NRG3: variants seen among roughly 807,000 people sequenced by gnomAD.
NRG3 encodes neuregulin 3.
Under a neutral mutation model 66.9 loss-of-function variants are expected in NRG3, and 31 were observed. The observed-to-expected ratio is 0.46, with a 90% CI of 0.35 to 0.63. NRG3 has a LOEUF of 0.63. Among genes scored for constraint, NRG3 ranks in the 20% least tolerant of loss-of-function variants. The probability of loss-of-function intolerance (pLI) is 0.00; values close to 1 mark genes in which losing one functional copy is unlikely to be tolerated. For synonymous variants in NRG3, 393 were observed against 359.4 expected, an observed-to-expected ratio of 1.09 and a Z score of -1.06; for missense variants, 910 against 878.9, an observed-to-expected ratio of 1.04 and a Z score of -0.45.
chr10:82,167,767 ATTGTTT>A (rs1238448539), intron 1 of NRG3, among the ~76,000 whole-genome samples: 2 of 151,936 alleles, frequency 1.3e-5, no homozygotes, highest in Non-Finnish European at 2.9e-5. Flanking sequence ...TTAATACGTG[ATTGTTT>A]TTGTTTTTCT....
intron 2 of NRG3, among the ~76,000 whole-genome samples, chr10:82,423,727 A>G (rs2136256140): frequency 6.6e-6 from 1 of 152,122 alleles, no homozygotes; most frequent in African/African-American, 2.4e-5. Context: ...TTCACATAGC[A>G]GTGCAATCAC....
At chr10:82,762,114 T>G (rs1163029614) in intron 3 of NRG3, among the ~76,000 whole-genome samples, 1 of 151,480 alleles carries the variant, frequency 6.6e-6, no homozygotes, top group African/African-American at 2.4e-5. Context: ...AGTGCAGTGG[T>G]GCAATCACAG....
intron 2 of NRG3, among the ~76,000 whole-genome samples, chr10:82,441,207 G>A (rs1213759189): frequency 6.6e-6 from 1 of 152,184 alleles, no homozygotes; most frequent in East Asian, 1.9e-4. Flanking sequence ...AGAATACCAA[G>A]GAGAGAAACA....
chr10:81,909,503 G>T (rs1300935545), intron 1 of NRG3, among the ~76,000 whole-genome samples: 2 of 152,018 alleles, frequency 1.3e-5, no homozygotes, highest in Non-Finnish European at 2.9e-5. Context: ...GGTATCCAAG[G>T]GTTCCATCTC....
At chr10:82,067,053 T>G (rs2064517801) in intron 1 of NRG3, among the ~76,000 whole-genome samples, 1 of 152,206 alleles carries the variant, frequency 6.6e-6, no homozygotes, top group Non-Finnish European at 1.5e-5. Flanking sequence ...AACTGCAAAT[T>G]TTATTTCTTA....
At chr10:82,601,930 A>G (rs558781324) in intron 2 of NRG3, among the ~76,000 whole-genome samples, 128 of 148,200 alleles carry the variant, frequency 8.6e-4, no homozygotes, top group African/African-American at 2.9e-3. Flanking sequence ...CTATATATAT[A>G]TAGTTAACTA....
intron 1 of NRG3, among the ~76,000 whole-genome samples, chr10:82,268,469 C>T (rs2078421127): frequency 6.6e-6 from 1 of 152,098 alleles, no homozygotes; most frequent in Admixed American, 6.6e-5. Flanking sequence ...CATCACATCC[C>T]ACCATTCTGA....
chr10:82,756,307 C>T (rs1301508775), intron 3 of NRG3, among the ~76,000 whole-genome samples: 1 of 152,258 alleles, frequency 6.6e-6, no homozygotes, highest in Non-Finnish European at 1.5e-5. Context: ...AACATTCTGA[C>T]TAATTCTGTT....
At chr10:82,858,840 G>T (rs17685233) in intron 3 of NRG3, among the ~76,000 whole-genome samples, 7,040 of 152,172 alleles carry the variant, frequency 0.046, 230 homozygotes, top group Non-Finnish European at 0.069. Context: ...AGTTGGAAAC[G>T]CTGTCACTGA....
At chr10:82,517,497 G>A (rs1845771284) in intron 2 of NRG3, among the ~76,000 whole-genome samples, 1 of 152,212 alleles carries the variant, frequency 6.6e-6, no homozygotes, top group Non-Finnish European at 1.5e-5. Context: ...TGTAGTCACT[G>A]ATGGGTTTAG....
chr10:82,428,128 G>C (rs185593506), intron 2 of NRG3, among the ~76,000 whole-genome samples: 1 of 151,600 alleles, frequency 6.6e-6, no homozygotes, highest in Non-Finnish European at 1.5e-5. Context: ...CAATTTGGTC[G>C]ATCTTTTTAA....
intron 1 of NRG3, among the ~76,000 whole-genome samples, chr10:81,977,086 T>C (rs1385472113): frequency 6.6e-6 from 1 of 152,180 alleles, no homozygotes; most frequent in Admixed American, 6.5e-5. Flanking sequence ...ACTGCAGTAA[T>C]TTTTGAAATT....
At chr10:82,405,251 C>G (rs1324520328) in intron 2 of NRG3, among the ~76,000 whole-genome samples, 1 of 151,966 alleles carries the variant, frequency 6.6e-6, no homozygotes, top group Non-Finnish European at 1.5e-5. Flanking sequence ...TGTGTGCATA[C>G]CAGGGGCAAG....
chr10:82,766,116 G>A lies in NRG3; in HGVS notation c.1027+27466G>A, dbSNP rs141131800. Among the ~76,000 whole-genome samples, 330 of 152,240 alleles carry A rather than the reference G, an allele frequency of 2.2e-3. 1 individual carries two copies. The highest frequency in any genetic ancestry group is 3.5e-3 in the Non-Finnish European group (240 of 68,000). ...AATTAATCCCAAATGCAAAATGCTC[G>A]TGAAGAATTTAGAGTTTGCTAAAAG... is the stretch of plus-strand genomic sequence containing the variant. On this transcript the variant is annotated intron_variant, in intron 3 of 8. Coordinates refer to ENST00000372141, the MANE Select transcript of NRG3 (RefSeq NM_001010848.4).
chr10:81,901,239 C>T (rs1844041501), intron 1 of NRG3, among the ~76,000 whole-genome samples: 1 of 152,226 alleles, frequency 6.6e-6, no homozygotes, highest in Admixed American at 6.5e-5. Flanking sequence ...CCAGCACTGT[C>T]ATCTCCACTA....
intron 2 of NRG3, among the ~76,000 whole-genome samples, chr10:82,700,334 A>G (rs2055766079): frequency 1.3e-5 from 2 of 152,192 alleles, no homozygotes; most frequent in Non-Finnish European, 2.9e-5. Context: ...GAAAGCACCT[A>G]TACCAAACTG....
At chr10:82,607,613 T>C (rs1446313633) in intron 2 of NRG3, among the ~76,000 whole-genome samples, 1 of 152,158 alleles carries the variant, frequency 6.6e-6, no homozygotes, top group East Asian at 1.9e-4. Flanking sequence ...CCATATTTGT[T>C]ACTGTTTTCT....
intron 2 of NRG3, among the ~76,000 whole-genome samples, chr10:82,641,626 A>C (rs1245525718): frequency 6.6e-6 from 1 of 152,182 alleles, no homozygotes; most frequent in East Asian, 1.9e-4. Context: ...CACTCACAGC[A>C]TCAGAAGCCA....
intron 4 of NRG3, among the ~76,000 whole-genome samples, chr10:82,867,584 G>T (rs1183505256): frequency 6.6e-6 from 1 of 152,180 alleles, no homozygotes; most frequent in Non-Finnish European, 1.5e-5. Context: ...AATGTTGAAA[G>T]TGAGAAAATA....
Sources: gnomAD v4.1 joint callset for allele counts (sites outside exome capture counted in the v4.1 genomes callset) on GRCh38, gnomAD v4.1.1 for gene constraint, MANE v1.5 for transcripts, NCBI Gene and HGNC (gene_info 2026-07-23, HGNC 2026-07-21) for gene names.